Variants in SGCD observed in about 807,000 individuals in gnomAD.
SGCD encodes sarcoglycan delta.
A neutral mutation model predicts 36.6 loss-of-function variants in SGCD; 18 were observed. The observed-to-expected ratio is 0.49, with a 90% CI of 0.34 to 0.73. The LOEUF is 0.73. Ranked by LOEUF, SGCD falls within the 30% of genes least tolerant of loss-of-function variation. The probability of loss-of-function intolerance (pLI) is 0.01; values close to 1 mark genes in which losing one functional copy is unlikely to be tolerated. For missense variants in SGCD, 387 were observed against 346.7 expected (o/e 1.12, Z -0.92); for synonymous variants, 133 against 130.6 (o/e 1.02, Z -0.12).
At chr5:156,079,033 A>G (rs1050896349) in intron 1 of SGCD, among the ~76,000 whole-genome samples, 46 of 134,034 alleles carry the variant, frequency 3.4e-4, no homozygotes, top group Admixed American at 1.5e-3. Context: ...AAAAAAAAAA[A>G]AAAAGAAAAG....
At chr5:156,441,318 T>C (rs1753482438) in intron 3 of SGCD, among the ~76,000 whole-genome samples, 1 of 95,442 alleles carries the variant, frequency 1.0e-5, no homozygotes, top group African/African-American at 3.3e-5. Context: ...GCTAGCTGCA[T>C]GTCCTTGAGC....
At chr5:155,759,337 T>A in the SGCD span, among the ~76,000 whole-genome samples, 3 of 152,104 alleles carry the variant, frequency 2.0e-5, no homozygotes, top group African/African-American at 7.2e-5. Flanking sequence ...CACCATCCCC[T>A]TCTCTCTCTC....
chr5:156,514,077 A>AGTAT (rs1463906005), intron 4 of SGCD, among the ~76,000 whole-genome samples: 1 of 152,202 alleles, frequency 6.6e-6, no homozygotes, highest in African/African-American at 2.4e-5. Flanking sequence ...TTAATTGCTA[A>AGTAT]GTATAACTGC....
At chr5:156,299,831 T>C (rs937712503) in intron 3 of SGCD, among the ~76,000 whole-genome samples, 9 of 152,164 alleles carry the variant, frequency 5.9e-5, no homozygotes, top group Admixed American at 5.2e-4. Context: ...CTAATCTTTT[T>C]TTGGTGGAGT....
At chr5:156,562,641 A>T (rs1759314180) in intron 4 of SGCD, among the ~76,000 whole-genome samples, 1 of 152,110 alleles carries the variant, frequency 6.6e-6, no homozygotes, top group Admixed American at 6.6e-5. Context: ...TATATATTTT[A>T]AAATGACCAT....
intron 7 of SGCD, among the ~76,000 whole-genome samples, chr5:156,648,883 T>C (rs991205335): frequency 3.3e-5 from 5 of 152,136 alleles, no homozygotes; most frequent in African/African-American, 7.2e-5. Context: ...GTGTCTGTGA[T>C]GGAAGAGGTC....
the SGCD span, among the ~76,000 whole-genome samples, chr5:155,810,173 T>G: frequency 2.6e-5 from 4 of 152,350 alleles, no homozygotes; most frequent in East Asian, 7.7e-4. Flanking sequence ...CAAGCACCAA[T>G]AAAATGAGCC....
chr5:156,710,096 G>A (rs987413039), intron 7 of SGCD, among the ~76,000 whole-genome samples: 1 of 152,052 alleles, frequency 6.6e-6, no homozygotes, highest in African/African-American at 2.4e-5. Flanking sequence ...ATCCACCAAA[G>A]GTTGCAGGAG....
intron 3 of SGCD, among the ~76,000 whole-genome samples, chr5:156,431,089 T>C (rs1228564758): frequency 1.3e-5 from 2 of 152,102 alleles, no homozygotes; most frequent in Non-Finnish European, 2.9e-5. Flanking sequence ...TTAGATGTGC[T>C]GAGGTTTCAT....
At chr5:156,487,839 A>C (rs1258688538) in intron 3 of SGCD, among the ~76,000 whole-genome samples, 1 of 146,176 alleles carries the variant, frequency 6.8e-6, no homozygotes, top group Non-Finnish European at 1.5e-5. Context: ...AAGCTTAACA[A>C]AAAAGAAATC....
In SGCD at chr5:156,103,745, A is replaced by G. The variant is rs1042974236; in HGVS notation, c.-281-14133A>G. 9.9e-5 allele frequency among the ~76,000 whole-genome samples: 15 copies of G among 152,148 alleles called. No homozygotes were observed. The South Asian group carries it at 1.9e-3, about 19-fold the overall frequency. On this transcript the variant is annotated intron_variant, in intron 1 of 9. Coordinates refer to the SGCD transcript ENST00000517913. Reference sequence around the variant, plus strand: ...TATATTAGATTTAGAACTACTGTAGAAAATCTCTAAAATCATCAGCTCACA... The same window carrying G: ...TATATTAGATTTAGAACTACTGTAGGAAATCTCTAAAATCATCAGCTCACA...
intron 3 of SGCD, among the ~76,000 whole-genome samples, chr5:156,452,499 A>T (rs770072639): frequency 4.6e-5 from 7 of 152,164 alleles, no homozygotes; most frequent in Non-Finnish European, 8.8e-5. Flanking sequence ...TCCTTAGGTT[A>T]CACATACAAA....
chr5:156,752,411 A>G (rs1187669897), intron 7 of SGCD, among the ~76,000 whole-genome samples: 2 of 152,060 alleles, frequency 1.3e-5, no homozygotes, highest in African/African-American at 2.4e-5. Context: ...TTTCCCCCCC[A>G]AGATGGAGTC....
chr5:156,303,661 T>A (rs144963452), intron 3 of SGCD, among the ~76,000 whole-genome samples: 5 of 151,636 alleles, frequency 3.3e-5, no homozygotes, highest in Admixed American at 3.3e-4. Context: ...CATGGGCTTA[T>A]TAGTCAGCAG....
chr5:156,394,278 A>G (rs541102393), intron 3 of SGCD, among the ~76,000 whole-genome samples: 4 of 152,352 alleles, frequency 2.6e-5, no homozygotes, highest in Admixed American at 1.3e-4. Flanking sequence ...TGTAATACCA[A>G]TGGAGTTTAT....
chr5:156,282,830 A>G (rs985431107), intron 3 of SGCD, among the ~76,000 whole-genome samples: 3 of 152,172 alleles, frequency 2.0e-5, no homozygotes, highest in African/African-American at 7.2e-5. Flanking sequence ...TCTGTCTACA[A>G]TGTCTGTGAT....
the SGCD span, among the ~76,000 whole-genome samples, chr5:155,815,442 C>A: frequency 6.6e-6 from 1 of 152,154 alleles, no homozygotes; most frequent in Non-Finnish European, 1.5e-5. Flanking sequence ...TAGGTTATCA[C>A]ATATATGTCA....
chr5:155,808,984 G>C, the SGCD span, among the ~76,000 whole-genome samples: 1 of 152,160 alleles, frequency 6.6e-6, no homozygotes, highest in African/African-American at 2.4e-5. Context: ...CATTGCATTA[G>C]CTACTGCCAG....
chr5:156,667,424 C>T (rs918666803), intron 7 of SGCD, among the ~76,000 whole-genome samples: 2 of 152,262 alleles, frequency 1.3e-5, no homozygotes, highest in East Asian at 1.9e-4. Context: ...CTCTACTTCT[C>T]TCCCTTTCCC....
Sources: gnomAD v4.1 joint callset for allele counts (sites outside exome capture counted in the v4.1 genomes callset) on GRCh38, gnomAD v4.1.1 for gene constraint, MANE v1.5 for transcripts, NCBI Gene and HGNC (gene_info 2026-07-23, HGNC 2026-07-21) for gene names.